Variants in CHL1 observed in about 807,000 individuals in gnomAD.
The protein encoded by CHL1 is neural cell adhesion molecule L1-like protein.
In CHL1, 96 loss-of-function variants were observed where a neutral mutation model predicts 141.9. That is an observed-to-expected ratio of 0.68 (90% CI 0.57 to 0.80). The LOEUF is 0.80. Ranked by LOEUF, CHL1 falls within the 30% of genes least tolerant of loss-of-function variation. The probability of loss-of-function intolerance (pLI) is 0.00; values close to 1 mark genes in which losing one functional copy is unlikely to be tolerated. For missense variants in CHL1, 1,820 were observed against 1,457.2 expected, an observed-to-expected ratio of 1.25 and a Z score of -4.05; for synonymous variants, 613 against 502.2, an observed-to-expected ratio of 1.22 and a Z score of -2.95.
intron 15 of CHL1, 82 bp from the exon 16 acceptor site, chr3:377,736 G>A (rs1217255723): frequency 8.2e-7 from 1 of 1,215,138 alleles, no homozygotes; most frequent in Non-Finnish European, 1.2e-6. Context: ...TTTCGATAAG[G>A]AATATGCATT....
chr3:332,110 G>A lies in CHL1; in HGVS notation c.385+3756G>A, dbSNP rs914142398. ...ATGTGCCTCTTGTCCATACATACCA[G>A]GAAGATTTGTGGTCACATTGTTTAT... On this transcript the variant is annotated intron_variant, in intron 5 of 27. Transcript: ENST00000256509. Among the ~76,000 whole-genome samples the A allele has an allele frequency of 2.6e-5, 4 of 152,080 alleles. No individual in the cohort carries two copies. The East Asian group carries it at 7.7e-4, about 29-fold the overall frequency.
chr3:380,153 A>G (rs36046822), intron 16 of CHL1, among the ~76,000 whole-genome samples: 25,200 of 152,194 alleles, frequency 0.17, 2,710 homozygotes, highest in Non-Finnish European at 0.23. Context: ...TAAATACTGA[A>G]GAGAAACCAA....
chr3:266,443 A>G (rs1260899443), intron 2 of CHL1, among the ~76,000 whole-genome samples: 1 of 152,170 alleles, frequency 6.6e-6, no homozygotes. Flanking sequence ...AACAGGCATC[A>G]TGTTCTTACT....
intron 5 of CHL1, among the ~76,000 whole-genome samples, chr3:340,106 G>T (rs1277242091): frequency 6.6e-6 from 1 of 152,122 alleles, no homozygotes; most frequent in Non-Finnish European, 1.5e-5. Flanking sequence ...CTTATATTCT[G>T]ATTATAACTG....
intron 16 of CHL1, among the ~76,000 whole-genome samples, chr3:379,272 C>G (rs1398473627): frequency 6.6e-6 from 1 of 152,060 alleles, no homozygotes; most frequent in Non-Finnish European, 1.5e-5. Flanking sequence ...AAATGGCCAT[C>G]AAGGTTGGGT....
chr3:354,579 A>G, intron 10 of CHL1, 61 bp from the exon 11 acceptor site: 9 of 1,550,126 alleles, frequency 5.8e-6, no homozygotes, highest in Non-Finnish European at 7.8e-6. Context: ...TACAGGCCTT[A>G]ACATTTTTGG....
chr3:376,728 A>G (rs1356095030), intron 15 of CHL1, among the ~76,000 whole-genome samples: 1 of 152,234 alleles, frequency 6.6e-6, no homozygotes, highest in Non-Finnish European at 1.5e-5. Flanking sequence ...GATATGCAGT[A>G]TTCTAATATT....
At chr3:328,058 T>G in intron 4 of CHL1, 109 bp from the exon 5 acceptor site, 1 of 784,858 alleles carries the variant, frequency 1.3e-6, no homozygotes, top group South Asian at 2.3e-5. Context: ...AAGTATATAC[T>G]TTTTATCATA....
In CHL1 at chr3:399,150, T is replaced by C. The variant is rs1708913751; in HGVS notation, c.3385+2T>C. On this transcript the variant is annotated splice_donor_variant, in intron 26 of 27. Transcript: ENST00000256509. LOFTEE classifies it high-confidence loss of function. ...GGAATAGAGGTGGAAAGTACTCAGG[T>C]AAAATTGTTTCTTAATGTGATTTTC... 6.2e-7 allele frequency: 1 copy of C among 1,606,428 alleles called. No homozygotes were observed. The highest frequency in any genetic ancestry group is 8.5e-7 in the Non-Finnish European group (1 of 1,173,980).
intron 24 of CHL1, among the ~76,000 whole-genome samples, chr3:396,691 T>A (rs1231407532): frequency 6.6e-6 from 1 of 152,172 alleles, no homozygotes; most frequent in African/African-American, 2.4e-5. Flanking sequence ...TGTTTCTTAC[T>A]GGTGTGTTTG....
intron 2 of CHL1, among the ~76,000 whole-genome samples, chr3:284,718 G>A (rs1380906633): frequency 6.6e-6 from 1 of 151,888 alleles, no homozygotes; most frequent in African/African-American, 2.4e-5. Flanking sequence ...CTGTTCAGAG[G>A]AAAATCCTGG....
chr3:281,934 A>G (rs1054903962), intron 2 of CHL1, among the ~76,000 whole-genome samples: 2 of 152,230 alleles, frequency 1.3e-5, no homozygotes, highest in Non-Finnish European at 2.9e-5. Flanking sequence ...TCTAGATACG[A>G]CATAATCATA....
At chr3:373,377 C>G (rs952313146) in intron 15 of CHL1, among the ~76,000 whole-genome samples, 2 of 152,116 alleles carry the variant, frequency 1.3e-5, no homozygotes, top group African/African-American at 4.8e-5. Flanking sequence ...AAAAGGCACT[C>G]AGGGTCAGGC....
intron 1 of CHL1, among the ~76,000 whole-genome samples, chr3:227,542 G>A (rs1339220170): frequency 6.6e-6 from 1 of 152,114 alleles, no homozygotes; most frequent in Non-Finnish European, 1.5e-5. Flanking sequence ...AAATACAAAA[G>A]GCATGCATAG....
intron 2 of CHL1, among the ~76,000 whole-genome samples, chr3:291,729 G>C (rs1156842646): frequency 6.6e-6 from 1 of 151,746 alleles, no homozygotes; most frequent in African/African-American, 2.4e-5. Context: ...ACCCATATTT[G>C]CACTGGTAGA....
chr3:262,484 C>A (rs1694810857), intron 2 of CHL1, among the ~76,000 whole-genome samples: 3 of 121,298 alleles, frequency 2.5e-5, no homozygotes, highest in South Asian at 6.2e-4. Flanking sequence ...CTACACAGTA[C>A]TCACAGGGCA....
chr3:399,233 T>A, intron 26 of CHL1, 85 bp downstream of exon 26: 1 of 1,113,162 alleles, frequency 9.0e-7, no homozygotes, highest in Non-Finnish European at 1.3e-6. Flanking sequence ...TTTTTAAAAA[T>A]ACACATTCAA....
rs183490323 is a variant in CHL1, at chr3:315,188, A to G, written c.-94-4495A>G. On this transcript the variant is annotated intron_variant, in intron 2 of 27. Coordinates refer to ENST00000256509, the MANE Select transcript of CHL1 (RefSeq NM_006614.4). The stretch of plus-strand genomic sequence containing the variant: ...TTATTTATTTTTCTCTGCTAATGAC[A>G]CATTACCTCACTTAAATCTCATAAG... 6.6e-5 allele frequency among the ~76,000 whole-genome samples: 10 copies of G among 152,312 alleles called. No individual in the cohort carries two copies. The East Asian group carries it at 1.9e-3, about 29-fold the overall frequency.
At chr3:281,624 A>T (rs1013729326) in intron 2 of CHL1, among the ~76,000 whole-genome samples, 1 of 150,742 alleles carries the variant, frequency 6.6e-6, no homozygotes, top group Admixed American at 6.6e-5. Context: ...CAGTGGCACA[A>T]TCTCAGCTTA....
Sources: allele counts gnomAD v4.1 joint callset (sites outside exome capture counted in the v4.1 genomes callset), GRCh38; gene constraint gnomAD v4.1.1; transcripts MANE v1.5; gene names NCBI Gene and HGNC (gene_info 2026-07-23, HGNC 2026-07-21).